Variants in GALNT11 observed in about 807,000 individuals in gnomAD.
GALNT11 encodes polypeptide N-acetylgalactosaminyltransferase 11.
In GALNT11, 47 loss-of-function variants were observed where a neutral mutation model predicts 72.7. The observed-to-expected ratio is 0.65, with a 90% CI of 0.51 to 0.82. The LOEUF (loss-of-function observed/expected upper bound fraction) is 0.82. Among genes scored for constraint, GALNT11 ranks in the 40% least tolerant of loss-of-function variants. The probability of loss-of-function intolerance (pLI) is 0.00; values close to 1 mark genes in which losing one functional copy is unlikely to be tolerated. For missense variants in GALNT11, 677 were observed against 778.4 expected (o/e 0.87, Z 1.55); for synonymous variants, 270 against 286.6 (o/e 0.94, Z 0.58).
At chr7:152,072,651 G>A (rs868532670) in intron 1 of GALNT11, among the ~76,000 whole-genome samples, 1 of 152,136 alleles carries the variant, frequency 6.6e-6, no homozygotes, top group Non-Finnish European at 1.5e-5. Flanking sequence ...TTATTACTTT[G>A]TAAATCCTTT....
chr7:152,077,750 C>G (rs761028365), intron 1 of GALNT11, among the ~76,000 whole-genome samples: 2 of 152,014 alleles, frequency 1.3e-5, no homozygotes, highest in African/African-American at 2.4e-5. Flanking sequence ...GTCCACCATA[C>G]CACCAAGTCA....
chr7:152,095,846 C>T (rs1302960536), intron 2 of GALNT11, among the ~76,000 whole-genome samples: 1 of 152,080 alleles, frequency 6.6e-6, no homozygotes, highest in African/African-American at 2.4e-5. Context: ...AGCTGCCTAA[C>T]TGAAAAACTA....
In GALNT11 at chr7:152,105,355, G is replaced by A. The variant is rs371648033; in HGVS notation, c.697G>A (p.Ala233Thr). Residue 233 changes from alanine (A) to threonine (T), a missense_variant, in exon 5 of 12, where the codon GCG becomes ACG. Coordinates refer to ENST00000430044, the MANE Select transcript of GALNT11 (RefSeq NM_022087.4). ...GTTGATTCGAGGGAGAATGATTGGC[G>A]CGGCCCACGCGACAGGTATCACTTC... ...EGLIRGRMIG[A>T]AHATGEVLVF... 32 of 1,612,888 alleles carry A rather than the reference G, an allele frequency of 2.0e-5. No individual in the cohort carries two copies. In the Middle Eastern group the frequency reaches 4.9e-4, roughly 25 times the overall value.
intron 8 of GALNT11, 189 bp from the exon 9 acceptor site, chr7:152,116,968 A>G (rs1041540270): frequency 2.9e-6 from 2 of 696,092 alleles, no homozygotes; most frequent in Non-Finnish European, 5.2e-6. Flanking sequence ...TCGATGACTG[A>G]GACTCACGAG....
chr7:152,110,913 C>G (rs7798091), intron 7 of GALNT11, among the ~76,000 whole-genome samples: 24,909 of 151,604 alleles, frequency 0.16, 5,038 homozygotes, highest in African/African-American at 0.48. Context: ...TAGAGATGGG[C>G]GTCTCACTAT....
intron 1 of GALNT11, among the ~76,000 whole-genome samples, chr7:152,043,473 C>G (rs1006634835): frequency 1.3e-5 from 2 of 152,228 alleles, no homozygotes; most frequent in East Asian, 1.9e-4. Context: ...GAACTGGCCC[C>G]TCATGGCATT....
chr7:152,033,007 G>A (rs577078534), intron 1 of GALNT11, among the ~76,000 whole-genome samples: 66 of 152,292 alleles, frequency 4.3e-4, no homozygotes, highest in African/African-American at 1.5e-3. Context: ...AGAAGGCCAC[G>A]CCAGTGTCCA....
At chr7:152,051,226 T>C (rs1184226883) in intron 1 of GALNT11, among the ~76,000 whole-genome samples, 6 of 135,524 alleles carry the variant, frequency 4.4e-5, no homozygotes, top group Admixed American at 7.3e-5. Context: ...TTTTTTTTTT[T>C]CAGTAGTTTG....
chr7:152,100,773 G>A (rs201149772), intron 2 of GALNT11, 25 bp from the exon 3 acceptor site: 164 of 1,609,354 alleles, frequency 1.0e-4, no homozygotes, highest in Middle Eastern at 3.3e-4. Flanking sequence ...GATTTAATTC[G>A]CTGACTAACT....
chr7:152,069,347 G>C (rs1156502566), intron 1 of GALNT11, among the ~76,000 whole-genome samples: 1 of 152,134 alleles, frequency 6.6e-6, no homozygotes, highest in Non-Finnish European at 1.5e-5. Context: ...TCCAGAATGT[G>C]GTCTATATTG....
intron 1 of GALNT11, among the ~76,000 whole-genome samples, chr7:152,059,300 C>T (rs10281507): frequency 0.048 from 7,263 of 151,804 alleles, 593 homozygotes; most frequent in African/African-American, 0.17. Flanking sequence ...TTGGGTCTCA[C>T]TCTGTTGTCC....
At chr7:152,047,194 G>C (rs928793019) in intron 1 of GALNT11, among the ~76,000 whole-genome samples, 2 of 152,176 alleles carry the variant, frequency 1.3e-5, no homozygotes, top group African/African-American at 2.4e-5. Context: ...CTAGGGGCTG[G>C]GCACGGTGGT....
intron 1 of GALNT11, among the ~76,000 whole-genome samples, chr7:152,041,184 T>G (rs1472727766): frequency 6.6e-6 from 1 of 152,238 alleles, no homozygotes; most frequent in Non-Finnish European, 1.5e-5. Context: ...GATTTGGTCC[T>G]GGAGAAACAC....
intron 1 of GALNT11, among the ~76,000 whole-genome samples, chr7:152,062,479 C>T (rs1040347968): frequency 1.3e-5 from 2 of 152,156 alleles, no homozygotes; most frequent in African/African-American, 4.8e-5. Context: ...CCTGATTGCC[C>T]TGGCGAGGAC....
chr7:152,109,567 T>G (rs2087960472), intron 6 of GALNT11, among the ~76,000 whole-genome samples: 1 of 152,224 alleles, frequency 6.6e-6, no homozygotes, highest in Admixed American at 6.5e-5. Context: ...AGTTAAAGTC[T>G]TTGCTTGATA....
At chr7:152,118,456 A>G (rs919558794) in intron 9 of GALNT11, 2 of 469,182 alleles carry the variant, frequency 4.3e-6, no homozygotes, top group Non-Finnish European at 7.5e-6. Context: ...CACTGTCTGC[A>G]TGTTAAAACT....
At chr7:152,034,009 T>C (rs535281982) in intron 1 of GALNT11, among the ~76,000 whole-genome samples, 1 of 152,172 alleles carries the variant, frequency 6.6e-6, no homozygotes, top group African/African-American at 2.4e-5. Context: ...ATCAGGATCA[T>C]CTGAAAACTT....
chr7:152,106,974 G>A (rs1201740066), intron 5 of GALNT11, among the ~76,000 whole-genome samples: 1 of 152,218 alleles, frequency 6.6e-6, no homozygotes, highest in Non-Finnish European at 1.5e-5. Context: ...TTAAGTGACA[G>A]CGGAGAGCTG....
At chr7:152,089,802 G>A (rs1489614367) in intron 1 of GALNT11, among the ~76,000 whole-genome samples, 1 of 152,194 alleles carries the variant, frequency 6.6e-6, no homozygotes, top group Non-Finnish European at 1.5e-5. Context: ...CTTGAAGGAA[G>A]TTAGTCTTTA....
Sources: allele counts gnomAD v4.1 joint callset (sites outside exome capture counted in the v4.1 genomes callset), GRCh38; gene constraint gnomAD v4.1.1; transcripts MANE v1.5; gene names NCBI Gene and HGNC (gene_info 2026-07-23, HGNC 2026-07-21).